Variants in PIGF observed in about 807,000 individuals in gnomAD.
PIGF encodes phosphatidylinositol glycan anchor biosynthesis class F.
A neutral mutation model predicts 26.0 loss-of-function variants in PIGF; 23 were observed. The ratio of observed to expected loss-of-function variants is 0.88; its 90% CI spans 0.64 to 1.25. PIGF has a LOEUF of 1.25. Among genes scored for constraint, PIGF ranks in the 50% most tolerant of loss-of-function variants. PIGF has a pLI of 0.00. For missense variants in PIGF, 278 were observed against 249.9 expected (o/e 1.11, Z -0.76); for synonymous variants, 93 against 92.6 (o/e 1.00, Z -0.03).
intron 4 of PIGF, among the ~76,000 whole-genome samples, chr2:46,609,721 G>A (rs912354557): frequency 1.3e-5 from 2 of 152,242 alleles, no homozygotes; most frequent in Middle Eastern, 3.4e-3. Flanking sequence ...GGAAGGGAGA[G>A]AGACAGAGAG....
intron 5 of PIGF, among the ~76,000 whole-genome samples, chr2:46,586,718 G>A (rs1186100985): frequency 1.3e-5 from 2 of 152,234 alleles, no homozygotes; most frequent in Non-Finnish European, 2.9e-5. Flanking sequence ...TGACCTACTG[G>A]TTATAAATAA....
intron 4 of PIGF, among the ~76,000 whole-genome samples, chr2:46,594,016 C>A (rs1669802293): frequency 6.6e-6 from 1 of 152,166 alleles, no homozygotes; most frequent in South Asian, 2.1e-4. Flanking sequence ...TCACATATAT[C>A]CAAATTTGTA....
At chr2:46,582,080 T>C (rs1669405610) in intron 5 of PIGF, 1 of 155,248 alleles carries the variant, frequency 6.4e-6, no homozygotes, top group Admixed American at 6.4e-5. Flanking sequence ...GAGCAGCTGC[T>C]TCCACCTTTC....
At chr2:46,585,643 A>C (rs540121149) in intron 5 of PIGF, among the ~76,000 whole-genome samples, 1 of 152,328 alleles carries the variant, frequency 6.6e-6, no homozygotes, top group South Asian at 2.1e-4. Flanking sequence ...TTAAACTTAC[A>C]CAAACAGTAT....
chr2:46,614,943 T>A lies in PIGF; in HGVS notation c.222A>T (p.Ser74=). Residue 74 remains serine, a synonymous_variant, in exon 2 of 6, where the codon TCA becomes TCT. Coordinates refer to ENST00000281382, the MANE Select transcript of PIGF (RefSeq NM_002643.4). ...PNTSSKRSSL[S]HKVTGFLKCC... ...ATTGAGACATAAGCCTTACCTTGTGTGATAATGAACTTCTTTTAGAGGATG... is the reference window on the plus strand; with the variant it reads ...ATTGAGACATAAGCCTTACCTTGTGAGATAATGAACTTCTTTTAGAGGATG... 1.4e-6 allele frequency: 2 copies of A among 1,441,838 alleles called. No homozygotes were observed. The highest frequency in any genetic ancestry group is 2.0e-6 in the Non-Finnish European group (2 of 1,023,452). 89.3% of individuals were successfully genotyped at this position (1,441,838 alleles called of 1,614,324 possible).
chr2:46,616,919 G>A lies in PIGF; in HGVS notation c.-22+51C>T, dbSNP rs192666754. The A allele has an allele frequency of 5.7e-4, 234 of 409,356 alleles. 1 individual carries two copies. Among genetic ancestry groups the A allele is most frequent in the African/African-American group, 3.9e-3 (175 of 44,942 alleles). 25.4% of individuals were successfully genotyped at this position (409,356 alleles called of 1,614,324 possible). A position where few individuals can be genotyped will look rare whatever the true frequency, so the allele number is the denominator to read the frequency against. ...AGGGCTGCTTCGGCAATTCGCGGGG[G>A]TAGCTTGCACCTCGTGAGGCGAGAC... On this transcript the variant is annotated intron_variant, in intron 1 of 5. Coordinates refer to ENST00000281382, the MANE Select transcript of PIGF (RefSeq NM_002643.4).
chr2:46,592,285 G>A, intron 5 of PIGF, among the ~76,000 whole-genome samples, 190 bp downstream of exon 5: 1 of 152,008 alleles, frequency 6.6e-6, no homozygotes, highest in East Asian at 1.9e-4. Flanking sequence ...ATAAAACCAG[G>A]GCTACCTAGA....
chr2:46,582,212 G>C (rs1260785681), intron 5 of PIGF: 1 of 150,928 alleles, frequency 6.6e-6, no homozygotes, highest in African/African-American at 2.4e-5. Flanking sequence ...TATTACATCA[G>C]GCTAGAAGTA....
At chr2:46,593,128 GTCTT>G (rs1434015278) in intron 4 of PIGF, among the ~76,000 whole-genome samples, 66 of 144,096 alleles carry the variant, frequency 4.6e-4, no homozygotes, top group African/African-American at 7.2e-4. Context: ...TATTCAACCA[GTCTT>G]TCTTTTTTTT....
chr2:46,592,672 A>G, intron 4 of PIGF, 89 bp from the exon 5 acceptor site: 1 of 680,698 alleles, frequency 1.5e-6, no homozygotes, highest in South Asian at 1.6e-5. Flanking sequence ...ATCAGTATAC[A>G]TATATTTCCT....
At chr2:46,613,807 T>A in intron 2 of PIGF, 22 bp from the exon 3 acceptor site, 1 of 1,511,110 alleles carries the variant, frequency 6.6e-7, no homozygotes, top group African/African-American at 1.4e-5. Flanking sequence ...ATGAATAACC[T>A]GAAGATTCAA....
At chr2:46,584,755 C>T (rs564187979) in intron 5 of PIGF, among the ~76,000 whole-genome samples, 3 of 152,214 alleles carry the variant, frequency 2.0e-5, no homozygotes, top group East Asian at 1.9e-4. Flanking sequence ...ATTTCTTAAT[C>T]GTAACCCTGT....
chr2:46,615,403 A>G (rs541924231), intron 1 of PIGF: 1 of 348,186 alleles, frequency 2.9e-6, no homozygotes, highest in African/African-American at 2.1e-5. Flanking sequence ...CTCAGAGCCT[A>G]AAAAGAACAA....
At chr2:46,605,423 C>T (rs529465446) in intron 4 of PIGF, among the ~76,000 whole-genome samples, 1 of 152,122 alleles carries the variant, frequency 6.6e-6, no homozygotes, top group Admixed American at 6.5e-5. Flanking sequence ...GGTCTGTCAC[C>T]TAAACTAGGA....
chr2:46,614,351 T>C (rs548365925), intron 2 of PIGF: 1 of 153,312 alleles, frequency 6.5e-6, no homozygotes, highest in Non-Finnish European at 1.5e-5. Flanking sequence ...AACACATACA[T>C]TCAGCTTTTC....
intron 4 of PIGF, among the ~76,000 whole-genome samples, chr2:46,605,461 G>A (rs916348295): frequency 6.6e-6 from 1 of 152,010 alleles, no homozygotes; most frequent in Non-Finnish European, 1.5e-5. Flanking sequence ...TTGCAGTAAG[G>A]ACTGAAAGTA....
At position 46,588,221 on chromosome 2, in the gene PIGF, T is replaced by C. The variant is rs1296571326; in HGVS notation, c.546+4254A>G. 1.2e-6 allele frequency: 2 copies of C among 1,605,726 alleles called. No individual in the cohort carries two copies. Among genetic ancestry groups the C allele is most frequent in the Admixed American group, 1.7e-5 (1 of 58,774 alleles). ...GATTGAAAATTATGTGAAATCCAAATACCCTAAATTGGCATAACTAAATAC... is the reference window on the plus strand; with the variant it reads ...GATTGAAAATTATGTGAAATCCAAACACCCTAAATTGGCATAACTAAATAC... On this transcript the variant is annotated intron_variant, in intron 5 of 5. Coordinates refer to ENST00000281382, the MANE Select transcript of PIGF (RefSeq NM_002643.4). The surrounding 1 kb of genome is among the most constrained non-coding windows in gnomAD (Gnocchi z 4.1).
At chr2:46,601,940 A>C (rs1558706092) in intron 4 of PIGF, among the ~76,000 whole-genome samples, 1 of 152,158 alleles carries the variant, frequency 6.6e-6, no homozygotes, top group East Asian at 1.9e-4. Context: ...AAATAACAGC[A>C]TAAAAGAACT....
intron 4 of PIGF, among the ~76,000 whole-genome samples, chr2:46,603,357 C>T (rs936195061): frequency 2.0e-5 from 3 of 151,884 alleles, no homozygotes; most frequent in Admixed American, 6.6e-5. Context: ...ATAGAAGAAA[C>T]AATCCTAAAA....
Sources: allele counts gnomAD v4.1 joint callset (sites outside exome capture counted in the v4.1 genomes callset), GRCh38; gene constraint gnomAD v4.1.1; non-coding constraint Gnocchi (gnomAD v3.1); transcripts MANE v1.5; gene names NCBI Gene and HGNC (gene_info 2026-07-23, HGNC 2026-07-21).